The following FAM227A variants were observed in gnomAD, a reference collection of about 807,000 sequenced individuals.
FAM227A encodes the protein family with sequence similarity 227 member A.
A neutral mutation model predicts 74.7 loss-of-function variants in FAM227A; 80 were observed. That is an observed-to-expected ratio of 1.07 (90% CI 0.89 to 1.29). FAM227A has a LOEUF of 1.29. Among genes scored for constraint, FAM227A ranks in the 50% most tolerant of loss-of-function variants. The pLI is 0.00. For missense variants in FAM227A, 654 were observed against 683.4 expected, an observed-to-expected ratio of 0.96 and a Z score of 0.48; for synonymous variants, 237 against 241.8, an observed-to-expected ratio of 0.98 and a Z score of 0.19.
At chr22:38,588,945 A>G (rs147527807) in intron 16 of FAM227A, among the ~76,000 whole-genome samples, 3,337 of 151,132 alleles carry the variant, frequency 0.022, 51 homozygotes, top group Middle Eastern at 0.055. Flanking sequence ...AAAAAAAAAG[A>G]AAAAAAGAAG....
intron 15 of FAM227A, among the ~76,000 whole-genome samples, chr22:38,593,397 T>A (rs750556447): frequency 6.6e-6 from 1 of 151,948 alleles, no homozygotes; most frequent in Non-Finnish European, 1.5e-5. Flanking sequence ...CCCAGCTACT[T>A]GGGAGGCTGA....
Position 38,579,230 on chromosome 22 carries a change from A to T in FAM227A, c.*6895T>A, listed in dbSNP as rs574404002. ...CTAGCTGTGTGGTCTTGGGAAAATT[A>T]TTTAACCTCTCTGTGCCTGAGTTTC... is the stretch of plus-strand genomic sequence containing the variant. On this transcript the variant is annotated 3_prime_UTR_variant, in exon 17 of 17. Transcript: ENST00000535113. 9.2e-5 allele frequency: 14 copies of T among 152,346 alleles called. No individual in the cohort carries two copies. In the South Asian group the frequency reaches 2.5e-3, roughly 27 times the overall value. The allele number at this position is 152,346 out of a possible 1,614,324, so 9.4% of individuals were successfully genotyped here.
At position 38,613,312 on chromosome 22, in the gene FAM227A, C is replaced by CATATAATATATCAT. The variant is rs1569207585; in HGVS notation, c.1039-5837_1039-5836insATGATATATTATAT. Among the ~76,000 whole-genome samples, 313 of 56,518 alleles carry CATATAATATATCAT rather than the reference C, an allele frequency of 5.5e-3. 7 individuals are homozygous for CATATAATATATCAT. The highest frequency in any genetic ancestry group is 0.026 in the African/African-American group (298 of 11,388). 37.1% of individuals were successfully genotyped at this position (56,518 alleles called of 152,430 possible). A position where few individuals can be genotyped will look rare whatever the true frequency, so the allele number is the denominator to read the frequency against. On this transcript the variant is annotated intron_variant, in intron 11 of 16. Coordinates refer to ENST00000535113, the MANE Select transcript of FAM227A (RefSeq NM_001013647.2). ...AATATATATCATATATAATATATAA[C>CATATAATATATCAT]ATATAATATATATCATATATAATAT... is the stretch of plus-strand genomic sequence containing the variant.
intron 11 of FAM227A, among the ~76,000 whole-genome samples, chr22:38,607,915 T>C (rs190537325): frequency 5.9e-5 from 9 of 152,230 alleles, no homozygotes; most frequent in Non-Finnish European, 1.2e-4. Flanking sequence ...ACTAATGTGT[T>C]TGCACTGGGC....
At chr22:38,631,844 CAGTGTACA>C (rs967945247) in intron 6 of FAM227A, among the ~76,000 whole-genome samples, 23 of 152,268 alleles carry the variant, frequency 1.5e-4, no homozygotes, top group African/African-American at 5.5e-4. Flanking sequence ...TCCCTGGTGG[CAGTGTACA>C]AGACGCACTG....
At chr22:38,621,511 A>T (rs1412410136) in intron 10 of FAM227A, among the ~76,000 whole-genome samples, 1 of 151,916 alleles carries the variant, frequency 6.6e-6, no homozygotes, top group East Asian at 1.9e-4. Context: ...AGGCTGAGGC[A>T]GGAGAATCGC....
chr22:38,615,993 C>A (rs756211308), intron 11 of FAM227A, among the ~76,000 whole-genome samples: 3 of 151,968 alleles, frequency 2.0e-5, no homozygotes, highest in Non-Finnish European at 4.4e-5. Context: ...GAGGCCAGGG[C>A]GAAGGTGGGT....
rs2092221596 is a variant in FAM227A, at chr22:38,645,608, CTT to C, written c.178_179del (p.Lys60AspfsTer3). ...LIGSMHQVNQ[K>X]IADINLRTEP... is the part of the protein sequence containing the mutation. ...CGGTACGCAGATTTATGTCAGCAAT[CTT>C]TTGGTTCACCTGGTGCATGGAGCCA... On this transcript the variant is annotated frameshift_variant, in exon 3 of 17. Coordinates refer to ENST00000535113, the MANE Select transcript of FAM227A (RefSeq NM_001013647.2). LOFTEE classifies it high-confidence loss of function. The C allele has an allele frequency of 6.4e-7, 1 of 1,551,296 alleles. No homozygotes were observed. The highest frequency in any genetic ancestry group is 1.4e-5 in the African/African-American group (1 of 72,982).
intron 15 of FAM227A, among the ~76,000 whole-genome samples, chr22:38,594,173 GCCTA>G (rs990585332): frequency 9.2e-5 from 14 of 152,186 alleles, no homozygotes; most frequent in African/African-American, 2.9e-4. Context: ...CTACCAAGTC[GCCTA>G]CCTGTCTCTG....
chr22:38,623,324 T>A (rs1387417551), intron 9 of FAM227A, 45 bp from the exon 10 acceptor site: 1 of 1,332,870 alleles, frequency 7.5e-7, no homozygotes, highest in Admixed American at 2.0e-5. Flanking sequence ...GTGCGGTGGA[T>A]CACGCCTGTA....
chr22:38,655,292 G>A (rs1182030526), intron 1 of FAM227A, among the ~76,000 whole-genome samples: 1 of 152,006 alleles, frequency 6.6e-6, no homozygotes, highest in African/African-American at 2.4e-5. Context: ...CACTTTGGGA[G>A]GCCGAGTCAA....
intron 11 of FAM227A, among the ~76,000 whole-genome samples, chr22:38,615,237 G>C (rs2091550790): frequency 6.6e-6 from 1 of 152,166 alleles, no homozygotes; most frequent in South Asian, 2.1e-4. Context: ...TGGCCAGACT[G>C]GTCTTGAACT....
chr22:38,639,404 G>A (rs371257630), intron 4 of FAM227A, among the ~76,000 whole-genome samples: 45 of 140,702 alleles, frequency 3.2e-4, no homozygotes, highest in Non-Finnish European at 2.6e-4. Context: ...GCGAGACTCC[G>A]TCTCGAAAAA....
At chr22:38,645,454 A>G in intron 3 of FAM227A, 109 bp downstream of exon 3, 1 of 680,696 alleles carries the variant, frequency 1.5e-6, no homozygotes. Flanking sequence ...AATTGTGTAA[A>G]CATGTTTTCA....
chr22:38,582,344 C>G lies in FAM227A; in HGVS notation c.*3781G>C. ...CTATAGGATTTTAACTTCATCTCTT[C>G]TAGTTTAACATCTGAATTTATCTTC... On this transcript the variant is annotated 3_prime_UTR_variant, in exon 17 of 17. Coordinates refer to ENST00000535113, the MANE Select transcript of FAM227A (RefSeq NM_001013647.2). 6.5e-7 allele frequency: 1 copy of G among 1,549,804 alleles called. No individual in the cohort carries two copies. The highest frequency in any genetic ancestry group is 2.4e-5 in the East Asian group (1 of 40,906).
intron 15 of FAM227A, among the ~76,000 whole-genome samples, chr22:38,592,924 C>A (rs2090968656): frequency 6.6e-6 from 1 of 152,230 alleles, no homozygotes; most frequent in Non-Finnish European, 1.5e-5. Flanking sequence ...GACTGAGGAT[C>A]AGTGAGGTGT....
chr22:38,610,375 A>C (rs901199678), intron 11 of FAM227A, among the ~76,000 whole-genome samples: 8 of 152,132 alleles, frequency 5.3e-5, no homozygotes, highest in African/African-American at 1.9e-4. Flanking sequence ...GCGGTGGAGC[A>C]GAGAACAATG....
chr22:38,639,514 A>G, intron 4 of FAM227A, 141 bp downstream of exon 4: 1 of 838,636 alleles, frequency 1.2e-6, no homozygotes, highest in Non-Finnish European at 2.0e-6. Context: ...GCCCAATGTC[A>G]AGAAGTCAGA....
Position 38,586,134 on chromosome 22 carries a change from G to A in FAM227A, c.1704C>T (p.Ser568=). ...TEVEHFFPLT[S]KP ...TAGGTTGTGGAGCTCCTCAGGGCTT[G>A]GAAGTGAGTGGAAAGAAATGTTCAA... Residue 568 remains serine (S), a synonymous_variant, in exon 17 of 17, where the codon TCC becomes TCT. Coordinates refer to ENST00000535113, the MANE Select transcript of FAM227A (RefSeq NM_001013647.2). The A allele has an allele frequency of 6.4e-7, 1 of 1,551,824 alleles. No individual in the cohort carries two copies.
Sources: gnomAD v4.1 joint callset for allele counts (sites outside exome capture counted in the v4.1 genomes callset) on GRCh38, gnomAD v4.1.1 for gene constraint, MANE v1.5 for transcripts, NCBI Gene and HGNC (gene_info 2026-07-23, HGNC 2026-07-21) for gene names.